CHMP1A: variants seen among roughly 807,000 people sequenced by gnomAD.
CHMP1A encodes the protein charged multivesicular body protein 1A.
A neutral mutation model predicts 27.0 loss-of-function variants in CHMP1A; 17 were observed. The observed-to-expected ratio is 0.63, with a 90% CI of 0.43 to 0.95. The LOEUF is 0.95. Among genes scored for constraint, CHMP1A ranks in the 40% least tolerant of loss-of-function variants. The pLI is 0.00. For synonymous variants in CHMP1A, 131 were observed against 107.5 expected, an observed-to-expected ratio of 1.22 and a Z score of -1.35; for missense variants, 275 against 264.0, an observed-to-expected ratio of 1.04 and a Z score of -0.29.
chr16:89,646,979 C>G (rs2059779414), intron 5 of CHMP1A: 5 of 1,465,548 alleles, frequency 3.4e-6, no homozygotes, highest in Non-Finnish European at 4.6e-6. Flanking sequence ...CCATCCGAGC[C>G]TCCCCACAAG....
intron 5 of CHMP1A, 145 bp downstream of exon 5, chr16:89,647,058 C>G (rs751172259): frequency 1.3e-6 from 2 of 1,532,254 alleles, no homozygotes; most frequent in Non-Finnish European, 8.7e-7. Flanking sequence ...GGCAGGGACC[C>G]AGCACAGAGG....
At chr16:89,655,378 A>ACCTCAGCTTTCCCTCG (rs1431367242) in intron 1 of CHMP1A, among the ~76,000 whole-genome samples, 1 of 51,704 alleles carries the variant, frequency 1.9e-5, no homozygotes, top group Admixed American at 3.3e-4. Context: ...GCTTTCCCTC[A>ACCTCAGCTTTCCCTCG]CCTCAGCTTT....
At chr16:89,653,396 G>A (rs1378225414) in intron 2 of CHMP1A, among the ~76,000 whole-genome samples, 4 of 149,830 alleles carry the variant, frequency 2.7e-5, no homozygotes, top group Non-Finnish European at 4.5e-5. Flanking sequence ...CGAGGTAGGC[G>A]GATCACGAGG....
In CHMP1A at chr16:89,646,770, C is replaced by T. The variant is rs569448948; in HGVS notation, c.382-56G>A. The T allele has an allele frequency of 4.5e-4, 693 of 1,551,660 alleles. 8 individuals are homozygous for T. In the African/African-American group the frequency reaches 7.8e-3, roughly 17 times the overall value. On this transcript the variant is annotated intron_variant, in intron 5 of 6. Transcript: ENST00000397901. ...GTGGGGCCAGGCCCATGGGGCCCCACTCAGCTTCACAAGGGTACGACTGCA... is the reference window on the plus strand; with the variant it reads ...GTGGGGCCAGGCCCATGGGGCCCCATTCAGCTTCACAAGGGTACGACTGCA...
At position 89,647,235 on chromosome 16, in the gene CHMP1A, G is replaced by A; in HGVS notation, c.349C>T (p.Gln117Ter). The change falls in exon 5 of 7, where the codon CAG becomes TAG. Residue 117 changes from glutamine to a stop codon, truncating the protein, a stop_gained. Coordinates refer to ENST00000397901, the MANE Select transcript of CHMP1A (RefSeq NM_002768.5). LOFTEE classifies it high-confidence loss of function. ...KVSSVMDRFEQQVQNLDVHTS... is the reference protein window; with the variant it reads ...KVSSVMDRFE ...TGGACGTCCAGGTTCTGCACCTGCT[G>A]CTCGAACCTGTCCATCACTGAGGAG... is the stretch of plus-strand genomic sequence containing the variant. 1 of 1,609,302 alleles carries A rather than the reference G, an allele frequency of 6.2e-7. No homozygotes were observed. Among genetic ancestry groups the A allele is most frequent in the Non-Finnish European group, 8.5e-7 (1 of 1,178,222 alleles).
At chr16:89,655,405 C>CCCTCACCTCAGCTCT (rs2059856956) in intron 1 of CHMP1A, among the ~76,000 whole-genome samples, 2 of 150,818 alleles carry the variant, frequency 1.3e-5, no homozygotes, top group African/African-American at 2.4e-5. Context: ...CCTCAGCTTT[C>CCCTCACCTCAGCTCT]CCTCACCTCA....
At chr16:89,657,407 A>G (rs2059892564) in intron 1 of CHMP1A, among the ~76,000 whole-genome samples, 175 bp downstream of exon 1, 1 of 145,446 alleles carries the variant, frequency 6.9e-6, no homozygotes, top group African/African-American at 2.6e-5. Context: ...CGACCGGGAA[A>G]AGGGGTCCCA....
chr16:89,657,708 C>T lies in CHMP1A; in HGVS notation c.-120G>A. 6.5e-7 allele frequency: 1 copy of T among 1,548,232 alleles called. No individual in the cohort carries two copies. Among genetic ancestry groups the T allele is most frequent in the Non-Finnish European group, 8.7e-7 (1 of 1,149,972 alleles). Reference sequence around the variant, plus strand: ...ACCCGGCGGGGACTTCCGGGGTCGCCGCCCCACTTCCGGTCGCACGGGATG... The same window carrying T: ...ACCCGGCGGGGACTTCCGGGGTCGCTGCCCCACTTCCGGTCGCACGGGATG... On this transcript the variant is annotated 5_prime_UTR_variant, in exon 1 of 7. Transcript: ENST00000397901.
In CHMP1A at chr16:89,651,663, A is replaced by G. The variant is rs761485854; in HGVS notation, c.28-17T>C. 1.5e-4 allele frequency: 241 copies of G among 1,612,980 alleles called. No homozygotes were observed. Among genetic ancestry groups the G allele is most frequent in the Non-Finnish European group, 2.0e-4 (237 of 1,179,708 alleles). ...CGCCGTGAACTGAGCGGAAGCCGGAATGTCCTGGGTCAGACATGCGGAGCC... is the reference window on the plus strand; with the variant it reads ...CGCCGTGAACTGAGCGGAAGCCGGAGTGTCCTGGGTCAGACATGCGGAGCC... On this transcript the variant is annotated splice_polypyrimidine_tract_variant and intron_variant, in intron 2 of 6. Transcript: ENST00000397901.
At chr16:89,657,521 C>G in intron 1 of CHMP1A, 61 bp downstream of exon 1, 1 of 1,598,670 alleles carries the variant, frequency 6.3e-7, no homozygotes. Context: ...GAGCCCACGC[C>G]AGTGGGAGAA....
At chr16:89,649,085 T>A (rs1436349432) in intron 4 of CHMP1A, 3 of 428,810 alleles carry the variant, frequency 7.0e-6, no homozygotes, top group African/African-American at 6.2e-5. Flanking sequence ...TCCTGGGGCA[T>A]CAGTGCAAGC....
chr16:89,654,710 A>G (rs1451662577), intron 1 of CHMP1A, among the ~76,000 whole-genome samples: 1 of 152,114 alleles, frequency 6.6e-6, no homozygotes, highest in East Asian at 1.9e-4. Context: ...TGGGAGGCCG[A>G]GGCCGGCGGA....
At chr16:89,649,651 A>G in intron 3 of CHMP1A, 154 bp from the exon 4 acceptor site, 2 of 849,272 alleles carry the variant, frequency 2.4e-6, no homozygotes, top group Admixed American at 5.3e-5. Context: ...TCTCGACTCA[A>G]CGCAAGCTCC....
chr16:89,656,689 A>G (rs2059875069), intron 1 of CHMP1A, among the ~76,000 whole-genome samples: 1 of 152,166 alleles, frequency 6.6e-6, no homozygotes, highest in East Asian at 1.9e-4. Context: ...AGGGCCTGGC[A>G]CTCAGGGAGC....
In CHMP1A at chr16:89,647,350, C is replaced by T. The variant is rs755193606; in HGVS notation, c.253-19G>A. 3.1e-6 allele frequency: 5 copies of T among 1,597,336 alleles called. No individual in the cohort carries two copies. The highest frequency in any genetic ancestry group is 3.4e-5 in the Admixed American group (2 of 59,378). ...TGGTCACCTGAGACAGGAGAGAGCG[C>T]AGGAGGGAACAGGATGAAAGGCAAG... is the stretch of plus-strand genomic sequence containing the variant. On this transcript the variant is annotated intron_variant, in intron 4 of 6. Transcript: ENST00000397901.
chr16:89,654,937 C>T (rs562530498), intron 1 of CHMP1A, among the ~76,000 whole-genome samples: 12 of 104,488 alleles, frequency 1.1e-4, no homozygotes, highest in Non-Finnish European at 1.8e-4. Context: ...TGCAAGACTC[C>T]GTCTCAAAAA....
intron 1 of CHMP1A, 80 bp from the exon 2 acceptor site, chr16:89,654,003 C>T (rs1244296771): frequency 7.1e-7 from 1 of 1,408,604 alleles, no homozygotes; most frequent in East Asian, 2.3e-5. Flanking sequence ...TCACTAGGTT[C>T]CTTCTAGACA....
At position 89,656,444 on chromosome 16, in the gene CHMP1A, A is replaced by C. The variant is rs554195691; in HGVS notation, c.7+1138T>G. 2.0e-5 allele frequency among the ~76,000 whole-genome samples: 3 copies of C among 152,290 alleles called. No homozygotes were observed. The South Asian group carries it at 6.2e-4, about 32-fold the overall frequency. On this transcript the variant is annotated intron_variant, in intron 1 of 6. Coordinates refer to ENST00000397901, the MANE Select transcript of CHMP1A (RefSeq NM_002768.5). ...GAGCCACCGCGCCCAGCCCTTCAAA[A>C]AGTATTTTTAAAAGCCTGCCCATCA...
intron 3 of CHMP1A, 37 bp downstream of exon 3, chr16:89,651,532 C>T: frequency 6.3e-7 from 1 of 1,599,194 alleles, no homozygotes; most frequent in Non-Finnish European, 8.6e-7. Flanking sequence ...GAAGACAAAC[C>T]AGGAGAGTCA....
Sources: allele counts gnomAD v4.1 joint callset (sites outside exome capture counted in the v4.1 genomes callset), GRCh38; gene constraint gnomAD v4.1.1; transcripts MANE v1.5; gene names NCBI Gene and HGNC (gene_info 2026-07-23, HGNC 2026-07-21).